Variants in DLGAP2 observed in about 807,000 individuals in gnomAD.
DLGAP2 encodes DLG associated protein 2, also known as disks large-associated protein 2.
A neutral mutation model predicts 100.3 loss-of-function variants in DLGAP2; 26 were observed. That is an observed-to-expected ratio of 0.26 (90% CI 0.19 to 0.36). The LOEUF is 0.36. Among genes scored for constraint, DLGAP2 ranks in the 10% least tolerant of loss-of-function variants. The pLI is 1.00. For missense variants in DLGAP2, 1,858 were observed against 1,453.2 expected (o/e 1.28, Z -4.53); for synonymous variants, 886 against 630.1 (o/e 1.41, Z -6.08).
rs190918964 is a variant in DLGAP2, at chr8:1,347,456, C to A, written c.106+88573C>A. ...ATGGCAACTATGTGGAAGTTGAGTTCCCATACAGAGCTGCATTGCTCTCAT... is the reference window on the plus strand; with the variant it reads ...ATGGCAACTATGTGGAAGTTGAGTTACCATACAGAGCTGCATTGCTCTCAT... On this transcript the variant is annotated intron_variant, in intron 3 of 14. Coordinates refer to ENST00000637795, the MANE Select transcript of DLGAP2 (RefSeq NM_001346810.2). Among the ~76,000 whole-genome samples the A allele has an allele frequency of 6.3e-3, 961 of 151,998 alleles. 5 individuals are homozygous for A. The highest frequency in any genetic ancestry group is 8.8e-3 in the Non-Finnish European group (598 of 67,984).
intron 4 of DLGAP2, among the ~76,000 whole-genome samples, chr8:1,504,217 T>A (rs1485446836): frequency 1.3e-5 from 2 of 152,166 alleles, no homozygotes; most frequent in South Asian, 2.1e-4. Flanking sequence ...CTTTTTTTTT[T>A]AATGGAAGAA....
intron 1 of DLGAP2, among the ~76,000 whole-genome samples, chr8:742,083 G>A (rs1356286389): frequency 6.6e-6 from 1 of 152,184 alleles, no homozygotes; most frequent in African/African-American, 2.4e-5. Context: ...CATAAACCAG[G>A]AGATTGTTTC....
chr8:811,658 G>A (rs1796372374), intron 1 of DLGAP2, among the ~76,000 whole-genome samples: 1 of 150,078 alleles, frequency 6.7e-6, no homozygotes, highest in Admixed American at 6.6e-5. Flanking sequence ...CTATCTGGGG[G>A]GCCCTGCCAG....
At chr8:1,164,230 G>C (rs59774623) in intron 2 of DLGAP2, among the ~76,000 whole-genome samples, 1 of 147,848 alleles carries the variant, frequency 6.8e-6, no homozygotes, top group African/African-American at 2.6e-5. Context: ...TTGGTTTGTG[G>C]GGACAGATTT....
At chr8:1,503,066 C>G (rs544845020) in intron 4 of DLGAP2, among the ~76,000 whole-genome samples, 2 of 152,124 alleles carry the variant, frequency 1.3e-5, no homozygotes, top group Non-Finnish European at 2.9e-5. Flanking sequence ...AAGTGAGCAT[C>G]GAGGGATGAG....
intron 2 of DLGAP2, among the ~76,000 whole-genome samples, chr8:1,087,172 G>C (rs997998313): frequency 5.3e-5 from 8 of 152,160 alleles, no homozygotes; most frequent in Non-Finnish European, 1.2e-4. Context: ...AATATCTTGA[G>C]ATAAACAAAA....
At chr8:1,263,689 T>C (rs1473886149) in intron 3 of DLGAP2, among the ~76,000 whole-genome samples, 1 of 152,158 alleles carries the variant, frequency 6.6e-6, no homozygotes, top group Non-Finnish European at 1.5e-5. Flanking sequence ...TTAACAATTC[T>C]GGGGAAAAAA....
At chr8:1,370,947 A>G (rs1802222432) in intron 3 of DLGAP2, among the ~76,000 whole-genome samples, 1 of 152,266 alleles carries the variant, frequency 6.6e-6, no homozygotes, top group Non-Finnish European at 1.5e-5. Context: ...GAATAAGTTC[A>G]TCTGTATGTT....
intron 2 of DLGAP2, among the ~76,000 whole-genome samples, chr8:975,920 A>C (rs943201192): frequency 1.6e-5 from 2 of 121,578 alleles, no homozygotes; most frequent in Non-Finnish European, 3.7e-5. Context: ...AACCTATTTC[A>C]CAGATGACGT....
intron 2 of DLGAP2, among the ~76,000 whole-genome samples, chr8:950,889 G>A (rs575708182): frequency 5.3e-5 from 8 of 152,002 alleles, no homozygotes; most frequent in Non-Finnish European, 1.2e-4. Context: ...TTCCCAAAGC[G>A]CTGGGATTAC....
chr8:1,242,852 G>T (rs944983360), intron 2 of DLGAP2, among the ~76,000 whole-genome samples: 1 of 151,902 alleles, frequency 6.6e-6, no homozygotes, highest in Middle Eastern at 3.4e-3. Flanking sequence ...GGACGGACGG[G>T]CAGATGGACG....
At chr8:989,167 C>G (rs147260434) in intron 2 of DLGAP2, among the ~76,000 whole-genome samples, 93 of 152,268 alleles carry the variant, frequency 6.1e-4, no homozygotes, top group African/African-American at 2.2e-3. Flanking sequence ...TCCACACTGG[C>G]CTTTGATCAG....
At chr8:1,092,361 C>T (rs1189106778) in intron 2 of DLGAP2, among the ~76,000 whole-genome samples, 1 of 152,232 alleles carries the variant, frequency 6.6e-6, no homozygotes, top group African/African-American at 2.4e-5. Context: ...TGCGTAGGGT[C>T]CGCCTGGCAC....
At position 1,683,226 on chromosome 8, in the gene DLGAP2, G is replaced by A. The variant is rs114761166; in HGVS notation, c.2704+4597G>A. Reference sequence around the variant, plus strand: ...TTTCACCTGGGAAGATTCTCAGAAGGCTTCCTGGAGAAGGTGGCACTGTGC... The same window carrying A: ...TTTCACCTGGGAAGATTCTCAGAAGACTTCCTGGAGAAGGTGGCACTGTGC... On this transcript the variant is annotated intron_variant, in intron 12 of 14. Transcript: ENST00000637795. Among the ~76,000 whole-genome samples, 1,196 of 151,750 alleles carry A rather than the reference G, an allele frequency of 7.9e-3. 26 individuals are homozygous for A. The highest frequency in any genetic ancestry group is 0.028 in the African/African-American group (1,147 of 41,506).
At chr8:1,267,093 G>A (rs1012477310) in intron 3 of DLGAP2, among the ~76,000 whole-genome samples, 3 of 151,848 alleles carry the variant, frequency 2.0e-5, no homozygotes, top group Non-Finnish European at 4.4e-5. Context: ...TTAGCCAGGC[G>A]TGGGGGTGGG....
chr8:1,372,837 C>T (rs1802278516), intron 3 of DLGAP2, among the ~76,000 whole-genome samples: 1 of 152,208 alleles, frequency 6.6e-6, no homozygotes, highest in East Asian at 1.9e-4. Flanking sequence ...ACATCAAATT[C>T]ATTTCAATGC....
At chr8:1,325,196 C>G (rs975348371) in intron 3 of DLGAP2, among the ~76,000 whole-genome samples, 1 of 152,154 alleles carries the variant, frequency 6.6e-6, no homozygotes, top group Non-Finnish European at 1.5e-5. Flanking sequence ...GTCTTCTCAG[C>G]GAGGCTGTCC....
chr8:1,521,806 A>C (rs1424061077), intron 4 of DLGAP2, among the ~76,000 whole-genome samples: 3 of 129,856 alleles, frequency 2.3e-5, no homozygotes, highest in African/African-American at 5.9e-5. Flanking sequence ...GATATGGGGC[A>C]TCTGGTTTGC....
At position 1,507,750 on chromosome 8, in the gene DLGAP2, C is replaced by G. The variant is rs1353621894; in HGVS notation, c.172+6319C>G. Among the ~76,000 whole-genome samples, 3 of 147,780 alleles carry G rather than the reference C, an allele frequency of 2.0e-5. No individual in the cohort carries two copies. In the East Asian group the frequency reaches 6.2e-4, roughly 30 times the overall value. On this transcript the variant is annotated intron_variant, in intron 4 of 14. Coordinates refer to ENST00000637795, the MANE Select transcript of DLGAP2 (RefSeq NM_001346810.2). ...TCCCAGGCATTCGTTCACCCAGGTC[C>G]TCAGCCACCGAGTCTTCCTCCTTCA... is the stretch of plus-strand genomic sequence containing the variant.
Sources: gnomAD v4.1 joint callset for allele counts (sites outside exome capture counted in the v4.1 genomes callset) on GRCh38, gnomAD v4.1.1 for gene constraint, MANE v1.5 for transcripts, NCBI Gene and HGNC (gene_info 2026-07-23, HGNC 2026-07-21) for gene names.